Variants in PIK3C3 observed in about 807,000 individuals in gnomAD.
PIK3C3 encodes the protein phosphatidylinositol 3-kinase catalytic subunit type 3.
Under a neutral mutation model 126.1 loss-of-function variants are expected in PIK3C3, and 95 were observed. The observed-to-expected ratio is 0.75, with a 90% CI of 0.64 to 0.89. PIK3C3 has a LOEUF of 0.89. PIK3C3 is among the 40% of genes least tolerant of loss of function. The pLI, the probability that PIK3C3 is intolerant of heterozygous loss-of-function variation, is 0.00. For synonymous variants in PIK3C3, 374 were observed against 360.0 expected (o/e 1.04, Z -0.44); for missense variants, 829 against 1,063.2 (o/e 0.78, Z 3.06).
chr18:42,053,345 C>T (rs1038270668), intron 21 of PIK3C3, among the ~76,000 whole-genome samples: 1 of 152,116 alleles, frequency 6.6e-6, no homozygotes, highest in African/African-American at 2.4e-5. Context: ...ATACTTCTAG[C>T]TTGGTTGAAG....
chr18:41,990,692 A>G (rs1981732079), intron 6 of PIK3C3, 138 bp downstream of exon 6: 2 of 583,700 alleles, frequency 3.4e-6, no homozygotes, highest in Non-Finnish European at 6.1e-6. Context: ...CTGTTTATGT[A>G]TACAGAAATC....
intron 21 of PIK3C3, among the ~76,000 whole-genome samples, chr18:42,054,919 T>C (rs1258143318): frequency 6.6e-6 from 1 of 152,064 alleles, no homozygotes; most frequent in Non-Finnish European, 1.5e-5. Context: ...CACCATGAGA[T>C]GAATAATGCC....
intron 4 of PIK3C3, among the ~76,000 whole-genome samples, chr18:41,975,813 C>T (rs983428168): frequency 3.9e-5 from 6 of 151,966 alleles, no homozygotes; most frequent in Admixed American, 3.9e-4. Flanking sequence ...CATTCTCCTG[C>T]CTCAGCCTCC....
At position 41,970,953 on chromosome 18, in the gene PIK3C3, A is replaced by G. The variant is rs371344105; in HGVS notation, c.531+497A>G. 1.5e-3 allele frequency: 255 copies of G among 165,174 alleles called. 9 individuals are homozygous for G. The South Asian group carries it at 0.04, about 26-fold the overall frequency. 10.2% of individuals were successfully genotyped at this position (165,174 alleles called of 1,614,324 possible). A position where few individuals can be genotyped will look rare whatever the true frequency, so the allele number is the denominator to read the frequency against. On this transcript the variant is annotated intron_variant, in intron 4 of 24. Coordinates refer to ENST00000262039, the MANE Select transcript of PIK3C3 (RefSeq NM_002647.4). ...GACATAGCCTTAAAGTTGTTAGTGT[A>G]ACATTCTAGAGAAGCTTATGCCACT...
intron 22 of PIK3C3, among the ~76,000 whole-genome samples, chr18:42,062,649 T>C (rs1218776758): frequency 6.6e-6 from 1 of 152,038 alleles, no homozygotes; most frequent in Non-Finnish European, 1.5e-5. Flanking sequence ...TTTCATCCAG[T>C]CCTGTGACTT....
chr18:42,054,130 A>ATCTATATC (rs56211042), intron 21 of PIK3C3, among the ~76,000 whole-genome samples: 1,051 of 8,858 alleles, frequency 0.12, 128 homozygotes, highest in East Asian at 0.33. Flanking sequence ...CTAATGGTAT[A>ATCTATATC]TATATATATA....
At chr18:42,075,915 C>T (rs1321707118) in intron 24 of PIK3C3, among the ~76,000 whole-genome samples, 1 of 149,386 alleles carries the variant, frequency 6.7e-6, no homozygotes, top group Admixed American at 6.7e-5. Context: ...AATCTGTTCT[C>T]TAGTGTAGTC....
chr18:41,955,993 G>A (rs1429057177), intron 1 of PIK3C3, among the ~76,000 whole-genome samples: 1 of 151,970 alleles, frequency 6.6e-6, no homozygotes, highest in Non-Finnish European at 1.5e-5. Context: ...TAAAGGTCAA[G>A]GGCGTGATAT....
At chr18:42,038,034 C>T (rs555095103) in intron 17 of PIK3C3, among the ~76,000 whole-genome samples, 25 of 152,150 alleles carry the variant, frequency 1.6e-4, no homozygotes, top group African/African-American at 5.8e-4. Context: ...TGTATGTGTT[C>T]CATTAATTTT....
intron 24 of PIK3C3, among the ~76,000 whole-genome samples, chr18:42,076,151 T>TATATGCGC (rs1555643426): frequency 1.9e-5 from 2 of 103,784 alleles, no homozygotes; most frequent in African/African-American, 1.1e-4. Context: ...TATGCGCATA[T>TATATGCGC]ATATATATAT....
intron 3 of PIK3C3, among the ~76,000 whole-genome samples, chr18:41,966,024 G>A (rs532061426): frequency 6.6e-4 from 101 of 152,076 alleles, no homozygotes; most frequent in Non-Finnish European, 2.2e-4. Context: ...TTCATGTCCC[G>A]AACACATCAG....
intron 2 of PIK3C3, among the ~76,000 whole-genome samples, chr18:41,958,014 C>G (rs1979880125): frequency 6.6e-6 from 1 of 152,044 alleles, no homozygotes; most frequent in African/African-American, 2.4e-5. Flanking sequence ...TTTACATGAC[C>G]AAAAACAAAA....
At position 42,057,985 on chromosome 18, in the gene PIK3C3, G is replaced by A. The variant is rs889305814; in HGVS notation, c.2366G>A (p.Gly789Asp). The A allele has an allele frequency of 6.2e-7, 1 of 1,613,210 alleles. No homozygotes were observed. Among genetic ancestry groups the A allele is most frequent in the East Asian group, 2.2e-5 (1 of 44,824 alleles). Residue 789 changes from glycine (G) to aspartate (D), a missense_variant, in exon 22 of 25, where the codon GGC becomes GAC. Physicochemically the swap from Gly to Asp is moderately conservative, Grantham distance 94 (BLOSUM62 -1). Around this residue, in one of 4 missense-constraint regions of PIK3C3, gnomAD observed 196 missense variants for 312.8 expected, o/e 0.63. Coordinates refer to ENST00000262039, the MANE Select transcript of PIK3C3 (RefSeq NM_002647.4). ...AAAGAAATGGTAGAAGGAATGGGGG[G>A]CACACAGAGTGAGCAGTACCAAGAG... ...LNKEMVEGMG[G>D]TQSEQYQEFR...
chr18:42,076,607 AAC>A (rs1455436008), intron 24 of PIK3C3, among the ~76,000 whole-genome samples: 3 of 152,222 alleles, frequency 2.0e-5, no homozygotes, highest in South Asian at 2.1e-4. Context: ...ATATTTAAAA[AAC>A]AAAGAATACA....
intron 15 of PIK3C3, among the ~76,000 whole-genome samples, chr18:42,033,526 C>A (rs1983917546): frequency 6.6e-6 from 1 of 152,142 alleles, no homozygotes; most frequent in African/African-American, 2.4e-5. Context: ...ATCTTTAGGT[C>A]CAACTTGAAT....
At chr18:42,041,554 T>C (rs1984321607) in intron 19 of PIK3C3, among the ~76,000 whole-genome samples, 1 of 150,236 alleles carries the variant, frequency 6.7e-6, no homozygotes. Context: ...TTATTTTTGT[T>C]ATTTTTAAAA....
chr18:42,058,969 C>T (rs1167515166), intron 22 of PIK3C3, among the ~76,000 whole-genome samples: 2 of 152,192 alleles, frequency 1.3e-5, no homozygotes, highest in Non-Finnish European at 2.9e-5. Flanking sequence ...GGTTCTGTTT[C>T]CTTTGACTTC....
At chr18:42,021,993 A>T (rs2144421864) in intron 13 of PIK3C3, among the ~76,000 whole-genome samples, 1 of 152,306 alleles carries the variant, frequency 6.6e-6, no homozygotes, top group Non-Finnish European at 1.5e-5. Flanking sequence ...ACAAAATACG[A>T]TTTTGTTTTA....
In PIK3C3 at chr18:42,087,818, A is replaced by T. The variant is rs1051092737; in HGVS notation, c.*6681A>T. 2 of 152,246 alleles carry T rather than the reference A, an allele frequency of 1.3e-5. No individual in the cohort carries two copies. Among genetic ancestry groups the T allele is most frequent in the Non-Finnish European group, 2.9e-5 (2 of 68,048 alleles). 9.4% of individuals were successfully genotyped at this position (152,246 alleles called of 1,614,324 possible). The stretch of plus-strand genomic sequence containing the variant: ...GAATGTCTAATTCAATAAATGTTTC[A>T]TAAATGAGTAAATGAATGTTTTAAT... On this transcript the variant is annotated 3_prime_UTR_variant, in exon 25 of 25. Coordinates refer to ENST00000262039, the MANE Select transcript of PIK3C3 (RefSeq NM_002647.4).
Sources: gnomAD v4.1 joint callset for allele counts (sites outside exome capture counted in the v4.1 genomes callset) on GRCh38, gnomAD v4.1.1 for gene constraint, gnomAD v4.1.1 regional missense constraint, MANE v1.5 for transcripts, NCBI Gene and HGNC (gene_info 2026-07-23, HGNC 2026-07-21) for gene names.